The following KLRG1 variants were observed in gnomAD, a reference collection of about 807,000 sequenced individuals.
The protein encoded by KLRG1 is killer cell lectin like receptor G1.
KLRG1 carries 16 observed loss-of-function variants against 21.8 expected under a neutral mutation model. The ratio of observed to expected loss-of-function variants is 0.73; its 90% CI spans 0.50 to 1.11. The LOEUF (loss-of-function observed/expected upper bound fraction) is 1.11, where lower values mean the gene tolerates loss of function less well. Ranked by LOEUF, KLRG1 falls within the 50% of genes most tolerant of loss-of-function variation. The pLI is 0.00. For missense variants in KLRG1, 173 were observed against 218.3 expected (o/e 0.79, Z 1.31); for synonymous variants, 69 against 75.9 (o/e 0.91, Z 0.47).
the KLRG1 span, chr12:9,104,524 G>A: frequency 3.0e-6 from 3 of 1,004,828 alleles, no homozygotes; most frequent in Non-Finnish European, 4.1e-6. Flanking sequence ...TGAGGACACA[G>A]CAGTGAAAAA....
At chr12:8,966,945 A>G (rs1336497660) in intron 1 of KLRG1, among the ~76,000 whole-genome samples, 11 of 148,218 alleles carry the variant, frequency 7.4e-5, no homozygotes, top group Non-Finnish European at 1.0e-4. Flanking sequence ...CAAATGTCCA[A>G]CAATGATAGA....
the KLRG1 span, chr12:9,169,364 A>C: frequency 2.2e-6 from 3 of 1,392,220 alleles, no homozygotes; most frequent in African/African-American, 4.4e-5. Flanking sequence ...TTATGAATAG[A>C]TACAGAGTTT....
chr12:9,144,056 T>C, the KLRG1 span, among the ~76,000 whole-genome samples: 29 of 152,232 alleles, frequency 1.9e-4, no homozygotes, highest in African/African-American at 6.7e-4. Flanking sequence ...CCGGGTACCA[T>C]GAGAAAGTCA....
At chr12:9,032,929 T>C in the KLRG1 span, among the ~76,000 whole-genome samples, 1 of 152,144 alleles carries the variant, frequency 6.6e-6, no homozygotes, top group African/African-American at 2.4e-5. Context: ...CCAACTATCC[T>C]TTAAAACCCC....
chr12:9,128,264 G>T, the KLRG1 span: 1 of 161,932 alleles, frequency 6.2e-6, no homozygotes, highest in South Asian at 1.6e-4. Context: ...GGTCATAACT[G>T]AGCAGATGCC....
the KLRG1 span, among the ~76,000 whole-genome samples, chr12:9,188,275 A>G: frequency 6.6e-6 from 1 of 152,294 alleles, no homozygotes; most frequent in Admixed American, 6.5e-5. Context: ...TGACAAAAAT[A>G]CGATTATCTT....
rs764231351 is a variant in KLRG1, at chr12:8,992,306, C to CCAG, written c.184_186dup (p.Gln62dup). The CCAG allele has an allele frequency of 7.5e-6, 12 of 1,606,676 alleles. No individual in the cohort carries two copies. Among genetic ancestry groups the CCAG allele is most frequent in the Non-Finnish European group, 1.0e-5 (12 of 1,175,898 alleles). On this transcript the variant is annotated inframe_insertion, in exon 2 of 5. Transcript: ENST00000356986. The stretch of plus-strand genomic sequence containing the variant: ...TGCTGCTATACCAGTGGATCCTGTG[C>CCAG]CAGGGTAAGTGCAAACTTAAACCAA...
chr12:9,112,976 A>T, the KLRG1 span, among the ~76,000 whole-genome samples: 1 of 152,012 alleles, frequency 6.6e-6, no homozygotes, highest in Admixed American at 6.6e-5. Flanking sequence ...AATTTCTACA[A>T]TTTTTACTCT....
downstream of KLRG1, chr12:9,010,805 T>C (rs1329372923): frequency 6.6e-6 from 1 of 152,182 alleles, no homozygotes. Flanking sequence ...TTAGAGGAAT[T>C]GAAGATGAGA....
At chr12:9,048,687 C>G in the KLRG1 span, among the ~76,000 whole-genome samples, 1 of 152,170 alleles carries the variant, frequency 6.6e-6, no homozygotes, top group Admixed American at 6.5e-5. Flanking sequence ...TCTCCAAACT[C>G]AACTGTATAT....
chr12:8,974,253 C>T lies in KLRG1; in HGVS notation c.-155-17953C>T, dbSNP rs906365164. ...CGCGATCTCGGCTCACTGCAAGCTCCGCCTCCCGGGTTCATGCCATTCTTC... is the reference window on the plus strand; with the variant it reads ...CGCGATCTCGGCTCACTGCAAGCTCTGCCTCCCGGGTTCATGCCATTCTTC... On this transcript the variant is annotated intron_variant, in intron 1 of 4. Coordinates refer to the KLRG1 transcript ENST00000539240. Among the ~76,000 whole-genome samples, 11 of 151,832 alleles carry T rather than the reference C, an allele frequency of 7.2e-5. No homozygotes were observed. The East Asian group carries it at 7.7e-4, about 11-fold the overall frequency.
At chr12:9,046,277 A>G in the KLRG1 span, among the ~76,000 whole-genome samples, 1 of 152,258 alleles carries the variant, frequency 6.6e-6, no homozygotes, top group Non-Finnish European at 1.5e-5. Flanking sequence ...TATGAAAAGT[A>G]TAATATACAC....
At position 9,010,112 on chromosome 12, in the gene KLRG1, G is replaced by C. The variant is rs1947599918; in HGVS notation, c.*575G>C. 2 of 1,071,842 alleles carry C rather than the reference G, an allele frequency of 1.9e-6. No homozygotes were observed. Among genetic ancestry groups the C allele is most frequent in the South Asian group, 1.4e-5 (1 of 72,664 alleles). The allele number at this position is 1,071,842 out of a possible 1,614,324, so 66.4% of individuals were successfully genotyped here. A position where few individuals can be genotyped will look rare whatever the true frequency, so the allele number is the denominator to read the frequency against. On this transcript the variant is annotated 3_prime_UTR_variant, in exon 5 of 5. Transcript: ENST00000356986. ...GAGGTGGGAGGGTCGCTTGAGCCCA[G>C]GAGTTTGAGGCTGCAGTGAGCTATG...
chr12:9,112,915 G>A, the KLRG1 span, among the ~76,000 whole-genome samples: 1 of 152,144 alleles, frequency 6.6e-6, no homozygotes, highest in African/African-American at 2.4e-5. Context: ...TAGGCTGTAA[G>A]CATCTCACAT....
chr12:9,072,239 A>C, the KLRG1 span: 5 of 1,163,560 alleles, frequency 4.3e-6, no homozygotes, highest in South Asian at 4.4e-5. Context: ...AAGAGAATAC[A>C]TTGCATTTTT....
the KLRG1 span, among the ~76,000 whole-genome samples, chr12:9,052,572 CA>C: frequency 6.6e-6 from 1 of 152,166 alleles, no homozygotes; most frequent in Non-Finnish European, 1.5e-5. Flanking sequence ...TTCTTTTGAA[CA>C]CATCTGTCCT....
At chr12:9,089,356 A>C in the KLRG1 span, 2 of 856,440 alleles carry the variant, frequency 2.3e-6, no homozygotes, top group Non-Finnish European at 3.8e-6. Context: ...AAGGATTTGA[A>C]CTGTATTATC....
At chr12:9,070,524 G>C in the KLRG1 span, 1 of 1,613,748 alleles carries the variant, frequency 6.2e-7, no homozygotes, top group Non-Finnish European at 8.5e-7. Flanking sequence ...TGAAGCCAGA[G>C]ACCATCTTCA....
rs758043680 is a variant in KLRG1, at chr12:8,956,649, G to T, written c.-156+6413G>T. ...TTTAGTAGAGATGGGGTTTCGCCAC[G>T]TTGGCCCGGCTGGTCTCGAACTCCT... is the stretch of plus-strand genomic sequence containing the variant. On this transcript the variant is annotated intron_variant, in intron 1 of 4. Transcript: ENST00000539240. Among the ~76,000 whole-genome samples the T allele has an allele frequency of 2.0e-5, 3 of 152,222 alleles. No individual in the cohort carries two copies. The East Asian group carries it at 5.8e-4, about 29-fold the overall frequency.
Sources: gnomAD v4.1 joint callset for allele counts (sites outside exome capture counted in the v4.1 genomes callset) on GRCh38, gnomAD v4.1.1 for gene constraint, MANE v1.5 for transcripts, NCBI Gene and HGNC (gene_info 2026-07-23, HGNC 2026-07-21) for gene names.